The following CHN2 variants were observed in gnomAD, a reference collection of about 807,000 sequenced individuals.
CHN2 encodes the protein beta-chimaerin.
Under a neutral mutation model 56.3 loss-of-function variants are expected in CHN2, and 35 were observed. The observed-to-expected ratio is 0.62, with a 90% confidence interval of 0.47 to 0.82. CHN2 has a LOEUF of 0.82. CHN2 is among the 40% of genes least tolerant of loss of function. The pLI, the probability that CHN2 is intolerant of heterozygous loss-of-function variation, is 0.00. For missense variants in CHN2, 491 were observed against 580.5 expected, an observed-to-expected ratio of 0.85 and a Z score of 1.58; for synonymous variants, 210 against 212.8, an observed-to-expected ratio of 0.99 and a Z score of 0.12.
intron 1 of CHN2, among the ~76,000 whole-genome samples, chr7:29,299,712 T>C (rs1442071488): frequency 1.3e-5 from 2 of 152,198 alleles, no homozygotes; most frequent in Non-Finnish European, 2.9e-5. Flanking sequence ...CTAATATTGC[T>C]TGTTGTCCCA....
chr7:29,325,044 T>C lies in CHN2; in HGVS notation c.50-29581T>C, dbSNP rs1303278595. On this transcript the variant is annotated intron_variant, in intron 1 of 12. Transcript: ENST00000222792. ...TTCTCTGGTCTCTCAGGTTTGTGGA[T>C]TGGGTTGGCTCCTAGGGCACCACCA... Among the ~76,000 whole-genome samples the C allele has an allele frequency of 3.9e-5, 6 of 152,220 alleles. No individual in the cohort carries two copies. In the South Asian group the frequency reaches 6.2e-4, roughly 16 times the overall value.
At chr7:29,396,313 CGG>C (rs1379621504) in intron 4 of CHN2, among the ~76,000 whole-genome samples, 1 of 151,648 alleles carries the variant, frequency 6.6e-6, no homozygotes, top group Non-Finnish European at 1.5e-5. Context: ...AAAAATTTGC[CGG>C]GCATGGTGGG....
intron 1 of CHN2, among the ~76,000 whole-genome samples, chr7:29,315,696 A>G (rs1392886422): frequency 2.0e-5 from 3 of 152,114 alleles, no homozygotes; most frequent in African/African-American, 4.8e-5. Context: ...TTCAACAACT[A>G]TTTCTCAACC....
intron 1 of CHN2, among the ~76,000 whole-genome samples, chr7:29,331,974 G>A (rs978551634): frequency 6.7e-6 from 1 of 149,658 alleles, no homozygotes; most frequent in Admixed American, 6.7e-5. Flanking sequence ...ATTGCGCCAC[G>A]GCACTCCAGC....
intron 2 of CHN2, among the ~76,000 whole-genome samples, chr7:29,158,545 TA>T (rs1341880013): frequency 1.3e-5 from 2 of 151,360 alleles, no homozygotes; most frequent in Non-Finnish European, 3.0e-5. Flanking sequence ...TATTGATACT[TA>T]AGTTTACCAG....
intron 10 of CHN2, among the ~76,000 whole-genome samples, chr7:29,505,542 C>G (rs566902713): frequency 2.6e-5 from 4 of 152,286 alleles, no homozygotes; most frequent in African/African-American, 9.6e-5. Flanking sequence ...CTGAAATACA[C>G]CCTATTTGTT....
intron 1 of CHN2, among the ~76,000 whole-genome samples, chr7:29,325,976 G>T (rs1219466047): frequency 6.6e-6 from 1 of 152,118 alleles, no homozygotes; most frequent in Non-Finnish European, 1.5e-5. Flanking sequence ...GAGAACATTG[G>T]ATCAACTTTA....
chr7:29,468,040 C>A (rs1785681576), intron 6 of CHN2, among the ~76,000 whole-genome samples: 1 of 148,838 alleles, frequency 6.7e-6, no homozygotes, highest in African/African-American at 2.5e-5. Flanking sequence ...GATAACATGT[C>A]GGGGAGTAGG....
rs1032705878 is a variant in CHN2, at chr7:29,247,466, C to T, written c.49+52476C>T. ...ATTTGCCCCAGGGCCACATGCTTCC[C>T]CCAGCCTTCTGCCCACAGCCCTCCT... On this transcript the variant is annotated intron_variant, in intron 1 of 12. Transcript: ENST00000222792. Among the ~76,000 whole-genome samples, 18 of 152,172 alleles carry T rather than the reference C, an allele frequency of 1.2e-4. No individual in the cohort carries two copies. In the East Asian group the frequency reaches 1.9e-3, roughly 16 times the overall value.
At chr7:29,468,075 A>G (rs1424564344) in intron 6 of CHN2, among the ~76,000 whole-genome samples, 1 of 146,730 alleles carries the variant, frequency 6.8e-6, no homozygotes, top group Admixed American at 7.0e-5. Context: ...ATTATAGGTC[A>G]TATCTCAGGG....
intron 3 of CHN2, among the ~76,000 whole-genome samples, chr7:29,373,157 G>A (rs2128046835): frequency 6.6e-6 from 1 of 152,054 alleles, no homozygotes; most frequent in South Asian, 2.1e-4. Flanking sequence ...GTTAGACCAA[G>A]TACTGATGGC....
At chr7:29,378,105 AG>A (rs1348253318) in intron 3 of CHN2, among the ~76,000 whole-genome samples, 1 of 152,256 alleles carries the variant, frequency 6.6e-6, no homozygotes, top group African/African-American at 2.4e-5. Flanking sequence ...CTCAAAGACC[AG>A]GCTTAATGAT....
chr7:29,155,135 C>T (rs551374846), intron 2 of CHN2, among the ~76,000 whole-genome samples: 5 of 152,134 alleles, frequency 3.3e-5, no homozygotes, highest in East Asian at 1.9e-4. Context: ...TCCCACAACA[C>T]GTGGGAATTC....
chr7:29,496,093 G>A, intron 8 of CHN2, 57 bp downstream of exon 8: 1 of 1,423,344 alleles, frequency 7.0e-7, no homozygotes, highest in Non-Finnish European at 9.7e-7. Flanking sequence ...TGCTGAGCTG[G>A]AGGATGTCTC....
At chr7:29,149,426 G>A (rs533132707) in intron 2 of CHN2, among the ~76,000 whole-genome samples, 5 of 151,962 alleles carry the variant, frequency 3.3e-5, no homozygotes, top group East Asian at 1.9e-4. Flanking sequence ...ACTCCTGACC[G>A]CAAGTTATCC....
At chr7:29,152,548 T>C (rs1793738684) in intron 2 of CHN2, among the ~76,000 whole-genome samples, 1 of 152,232 alleles carries the variant, frequency 6.6e-6, no homozygotes, top group African/African-American at 2.4e-5. Context: ...GCCTGTCTTA[T>C]GCCACATGTG....
At chr7:29,173,414 C>T (rs1389526001) in intron 2 of CHN2, among the ~76,000 whole-genome samples, 1 of 152,058 alleles carries the variant, frequency 6.6e-6, no homozygotes, top group African/African-American at 2.4e-5. Context: ...AGGATTTCTG[C>T]TCCTGCTTGG....
intron 7 of CHN2, among the ~76,000 whole-genome samples, chr7:29,481,184 C>T (rs1787180256): frequency 6.6e-6 from 1 of 152,074 alleles, no homozygotes; most frequent in African/African-American, 2.4e-5. Flanking sequence ...GAGGCTTCAC[C>T]CCAAAAAGTG....
In CHN2 at chr7:29,175,179, C is replaced by CT. The variant is rs141269641; in HGVS notation, c.274+28232dup. ...ATGTGATGATTTCTTTTTCTTTTTCCTTTTTTTTTTTTTGAGACGGGGCCT... is the reference window on the plus strand; with the variant it reads ...ATGTGATGATTTCTTTTTCTTTTTCCTTTTTTTTTTTTTTGAGACGGGGCCT... On this transcript the variant is annotated intron_variant, in intron 2 of 6. Coordinates refer to the CHN2 transcript ENST00000439384. Among the ~76,000 whole-genome samples, 237 of 142,978 alleles carry CT rather than the reference C, an allele frequency of 1.7e-3. 3 individuals are homozygous for CT. Among genetic ancestry groups the CT allele is most frequent in the South Asian group, 0.014 (63 of 4,392 alleles). 93.8% of individuals were successfully genotyped at this position (142,978 alleles called of 152,430 possible).
Sources: gnomAD v4.1 joint callset for allele counts (sites outside exome capture counted in the v4.1 genomes callset) on GRCh38, gnomAD v4.1.1 for gene constraint, MANE v1.5 for transcripts, NCBI Gene and HGNC (gene_info 2026-07-23, HGNC 2026-07-21) for gene names.